WARS2: variants seen among roughly 807,000 people sequenced by gnomAD.
The protein encoded by WARS2 is tryptophanyl tRNA synthetase 2, mitochondrial.
WARS2 carries 28 observed loss-of-function variants against 36.5 expected under a neutral mutation model. The observed-to-expected ratio is 0.77, with a 90% CI of 0.57 to 1.05. The LOEUF is 1.05. Ranked by LOEUF, WARS2 falls within the 50% of genes least tolerant of loss-of-function variation. The pLI is 0.00. For missense variants in WARS2, 435 were observed against 456.8 expected, an observed-to-expected ratio of 0.95 and a Z score of 0.44; for synonymous variants, 174 against 178.4, an observed-to-expected ratio of 0.98 and a Z score of 0.20.
chr1:119,058,396 C>T (rs1324750384), intron 2 of WARS2, among the ~76,000 whole-genome samples: 3 of 106,414 alleles, frequency 2.8e-5, no homozygotes, highest in South Asian at 2.8e-4. Flanking sequence ...CATGCTGGTG[C>T]GCTGCACCCA....
At chr1:119,073,625 C>T (rs997333158) in intron 2 of WARS2, among the ~76,000 whole-genome samples, 2 of 152,192 alleles carry the variant, frequency 1.3e-5, no homozygotes, top group African/African-American at 4.8e-5. Flanking sequence ...CCAGTCAAGT[C>T]TGTCCCTTCC....
chr1:119,133,655 T>C (rs1261846035), intron 1 of WARS2, among the ~76,000 whole-genome samples: 1 of 152,206 alleles, frequency 6.6e-6, no homozygotes, highest in Admixed American at 6.5e-5. Flanking sequence ...ATGTTTGCTA[T>C]TATCACCACC....
At chr1:119,112,829 C>A (rs1462568582) in intron 1 of WARS2, among the ~76,000 whole-genome samples, 1 of 152,114 alleles carries the variant, frequency 6.6e-6, no homozygotes, top group African/African-American at 2.4e-5. Flanking sequence ...TATTCTTCTG[C>A]AGTCTTGTTT....
intron 1 of WARS2, among the ~76,000 whole-genome samples, chr1:119,135,723 T>TAGAC (rs1656442376): frequency 3.8e-5 from 4 of 105,552 alleles, no homozygotes; most frequent in Non-Finnish European, 6.3e-5. Context: ...GACAGATAGA[T>TAGAC]AGATAGATAG....
intron 1 of WARS2, among the ~76,000 whole-genome samples, chr1:119,137,502 T>G (rs1656594960): frequency 6.6e-6 from 1 of 152,162 alleles, no homozygotes; most frequent in South Asian, 2.1e-4. Context: ...ATACTTCAAC[T>G]GAATAACAAA....
chr1:119,124,707 G>A (rs1010245018), intron 1 of WARS2, among the ~76,000 whole-genome samples: 2 of 152,032 alleles, frequency 1.3e-5, no homozygotes, highest in Non-Finnish European at 2.9e-5. Flanking sequence ...GATAACCAGA[G>A]TGAGACTTTA....
intron 1 of WARS2, among the ~76,000 whole-genome samples, chr1:119,138,503 A>G (rs1038040321): frequency 1.3e-5 from 2 of 152,188 alleles, no homozygotes; most frequent in Non-Finnish European, 2.9e-5. Flanking sequence ...TAATGCTATA[A>G]AAGGAAACAA....
Position 119,076,463 on chromosome 1 carries a change from T to G in WARS2, c.235A>C (p.Ile79Leu). ...ACAGCTGGGTCTTGGGGGACAGTAA[T>G]GGAGTGGAGGTCAACAATGCTGTAT... ...VLYSIVDLHS[I>L]TVPQDPAVLR... Residue 79 changes from isoleucine to leucine, a missense_variant, in exon 2 of 6, where the codon ATT (isoleucine) becomes CTT (leucine). Ile to Leu is a conservative substitution (Grantham distance 5). Transcript: ENST00000235521. The G allele has an allele frequency of 6.2e-7, 1 of 1,614,140 alleles. No homozygotes were observed. Among genetic ancestry groups the G allele is most frequent in the East Asian group, 2.2e-5 (1 of 44,858 alleles).
At chr1:119,059,895 T>C (rs1650236677) in intron 2 of WARS2, among the ~76,000 whole-genome samples, 2 of 152,058 alleles carry the variant, frequency 1.3e-5, no homozygotes, top group Admixed American at 1.3e-4. Context: ...TAAAAACACA[T>C]GGACACATTG....
At chr1:119,045,793 G>A (rs1221353344) in intron 2 of WARS2, 131 bp from the exon 3 acceptor site, 1 of 717,192 alleles carries the variant, frequency 1.4e-6, no homozygotes, top group Non-Finnish European at 2.4e-6. Context: ...AACAGGTGAA[G>A]GGGGCTTAGT....
At chr1:119,069,038 A>G (rs1414376501) in intron 2 of WARS2, among the ~76,000 whole-genome samples, 1 of 152,214 alleles carries the variant, frequency 6.6e-6, no homozygotes, top group East Asian at 1.9e-4. Flanking sequence ...AAGAATGCAA[A>G]GGATTGGAGA....
At position 119,032,464 on chromosome 1, in the gene WARS2, T is replaced by A. The variant is rs1263606297; in HGVS notation, c.*447A>T. On this transcript the variant is annotated 3_prime_UTR_variant, in exon 6 of 6. Coordinates refer to ENST00000235521, the MANE Select transcript of WARS2 (RefSeq NM_015836.4). ...TGTTTTTATGAGCTCTGAATACAAA[T>A]TGGCATCTGATCAAATGGCATCTCA... is the stretch of plus-strand genomic sequence containing the variant. 1 of 155,782 alleles carries A rather than the reference T, an allele frequency of 6.4e-6. No individual in the cohort carries two copies. The highest frequency in any genetic ancestry group is 6.4e-5 in the Admixed American group (1 of 15,740). 9.6% of individuals were successfully genotyped at this position (155,782 alleles called of 1,614,324 possible). A position where few individuals can be genotyped will look rare whatever the true frequency, so the allele number is the denominator to read the frequency against.
At chr1:119,085,349 G>A in intron 1 of WARS2, 4 of 1,359,010 alleles carry the variant, frequency 2.9e-6, no homozygotes, top group Non-Finnish European at 3.2e-6. Flanking sequence ...AGTTCTTGCT[G>A]CTGTGCTTCT....
rs185732847 is a variant in WARS2, at chr1:119,038,717, G to A, written c.515+3547C>T. On this transcript the variant is annotated intron_variant, in intron 4 of 5. Coordinates refer to ENST00000235521, the MANE Select transcript of WARS2 (RefSeq NM_015836.4). ...ATTTTTTGAGATAGAGTCTCACTCC[G>A]TCACCCAGGCTAGAGTGCAGTGGTG... 1.3e-4 allele frequency among the ~76,000 whole-genome samples: 20 copies of A among 152,126 alleles called. No individual in the cohort carries two copies. The East Asian group carries it at 1.4e-3, about 10-fold the overall frequency.
chr1:119,102,216 T>TAGA (rs1437289316), intron 1 of WARS2, among the ~76,000 whole-genome samples: 1 of 152,172 alleles, frequency 6.6e-6, no homozygotes, highest in Non-Finnish European at 1.5e-5. Context: ...AAATAGTAAT[T>TAGA]CCCTTGAGAA....
At chr1:119,121,104 T>A (rs587636852) in intron 1 of WARS2, among the ~76,000 whole-genome samples, 1 of 152,256 alleles carries the variant, frequency 6.6e-6, no homozygotes, top group Non-Finnish European at 1.5e-5. Context: ...GAAGTCAAAC[T>A]GTTGCTCTTT....
intron 2 of WARS2, among the ~76,000 whole-genome samples, chr1:119,075,674 T>C (rs1238683910): frequency 1.3e-5 from 2 of 152,202 alleles, no homozygotes; most frequent in African/African-American, 2.4e-5. Flanking sequence ...GAAGGCATGA[T>C]CTAGTTAGAA....
chr1:119,090,228 G>C (rs1478817996), intron 1 of WARS2, among the ~76,000 whole-genome samples: 1 of 152,124 alleles, frequency 6.6e-6, no homozygotes, highest in Non-Finnish European at 1.5e-5. Context: ...CTATGGAATA[G>C]ATACGAAGGT....
intron 4 of WARS2, among the ~76,000 whole-genome samples, chr1:119,034,687 G>T (rs1647722507): frequency 6.6e-6 from 1 of 152,130 alleles, no homozygotes; most frequent in African/African-American, 2.4e-5. Flanking sequence ...TTTCCTCCCT[G>T]TCACATAGGG....
Sources: gnomAD v4.1 joint callset for allele counts (sites outside exome capture counted in the v4.1 genomes callset) on GRCh38, gnomAD v4.1.1 for gene constraint, MANE v1.5 for transcripts, NCBI Gene and HGNC (gene_info 2026-07-23, HGNC 2026-07-21) for gene names.